The following FBLN1 variants were observed in gnomAD, a reference collection of about 807,000 sequenced individuals.
FBLN1 encodes the protein fibulin-1.
A neutral mutation model predicts 89.7 loss-of-function variants in FBLN1; 34 were observed. The ratio of observed to expected loss-of-function variants is 0.38; its 90% CI spans 0.29 to 0.50. The LOEUF (loss-of-function observed/expected upper bound fraction) is 0.50, where lower values mean the gene tolerates loss of function less well. FBLN1 is among the 20% of genes least tolerant of loss of function. FBLN1 has a pLI of 0.92. For missense variants in FBLN1, 777 were observed against 988.1 expected (o/e 0.79, Z 2.86); for synonymous variants, 393 against 391.3 (o/e 1.00, Z -0.05).
At position 45,523,964 on chromosome 22, in the gene FBLN1, A is replaced by G. The variant is rs150972172; in HGVS notation, c.186-1579A>G. On this transcript the variant is annotated intron_variant, in intron 2 of 16. Coordinates refer to ENST00000327858, the MANE Select transcript of FBLN1 (RefSeq NM_006486.3). ...ACACTTGTGATTTTCTGGCTAGCCA[A>G]TAGTTTTTGAATGGATGCACGCATG... Among the ~76,000 whole-genome samples, 502 of 152,272 alleles carry G rather than the reference A, an allele frequency of 3.3e-3. 4 individuals carry two copies. Among genetic ancestry groups the G allele is most frequent in the African/African-American group, 0.012 (478 of 41,548 alleles).
rs2088677354 is a variant in FBLN1, at chr22:45,549,743, C to G, written c.1574-749C>G. 6.6e-6 allele frequency among the ~76,000 whole-genome samples: 1 copy of G among 152,114 alleles called. No individual in the cohort carries two copies. Among genetic ancestry groups the G allele is most frequent in the South Asian group, 2.1e-4 (1 of 4,830 alleles). The stretch of plus-strand genomic sequence containing the variant: ...ATGTCTCCCAGGGTTGGTGACAGCC[C>G]CTGAGCCCCACTGTTTGGCTGCTCC... On this transcript the variant is annotated intron_variant, in intron 13 of 16. Transcript: ENST00000327858. This position sits in a 1 kb window ranked among gnomAD's most constrained non-coding sequence, Gnocchi z 5.7.
In FBLN1 at chr22:45,574,398, C is replaced by G; in HGVS notation, c.1698-113C>G. 1.7e-6 allele frequency: 2 copies of G among 1,163,150 alleles called. No individual in the cohort carries two copies. Among genetic ancestry groups the G allele is most frequent in the Non-Finnish European group, 2.5e-6 (2 of 794,670 alleles). 72.1% of individuals were successfully genotyped at this position (1,163,150 alleles called of 1,614,324 possible). ...CTGTCGTTCTCTGATGGAGCTGTCT[C>G]TGGGACAGATGCCCCTGCCCTGGCC... is the stretch of plus-strand genomic sequence containing the variant. On this transcript the variant is annotated intron_variant, in intron 14 of 16. Transcript: ENST00000327858. This position sits in a 1 kb window ranked among gnomAD's most constrained non-coding sequence, Gnocchi z 4.1.
intron 14 of FBLN1, among the ~76,000 whole-genome samples, chr22:45,554,537 C>T (rs746787824): frequency 7.9e-5 from 12 of 152,250 alleles, no homozygotes; most frequent in Non-Finnish European, 1.8e-4. Flanking sequence ...TGCAAGGCCT[C>T]CTGTCAGTCC....
intron 16 of FBLN1, 31 bp from the exon 17 acceptor site, chr22:45,600,276 A>ACTTCCAG: frequency 6.2e-7 from 1 of 1,614,108 alleles, no homozygotes; most frequent in Non-Finnish European, 8.5e-7. Flanking sequence ...GTCCCTTCTA[A>ACTTCCAG]CTTCCAGCAC....
rs183480777 is a variant in FBLN1, at chr22:45,574,711, T to G, written c.1840+58T>G. 1.9e-3 allele frequency: 2,813 copies of G among 1,501,726 alleles called. 81 individuals carry two copies. In the Admixed American group the frequency reaches 0.046, roughly 25 times the overall value. The allele number at this position is 1,501,726 out of a possible 1,614,324, so 93.0% of individuals were successfully genotyped here. A position where few individuals can be genotyped will look rare whatever the true frequency, so the allele number is the denominator to read the frequency against. ...CCCTAGGGCCTCCCTCGGCTTCAGC[T>G]GAGGGCTTGGCCTACAGGAGTTGTT... On this transcript the variant is annotated intron_variant, in intron 15 of 16. Transcript: ENST00000327858. This position sits in a 1 kb window ranked among gnomAD's most constrained non-coding sequence, Gnocchi z 4.1.
rs567301812 is a variant in FBLN1, at chr22:45,573,825, G to T, written c.1698-686G>T. Reference sequence around the variant, plus strand: ...GGCCAAGTTCTCTTTCTTGACCTGGGTGGTGATTATAAAGGCGTTTGCCTT... The same window carrying T: ...GGCCAAGTTCTCTTTCTTGACCTGGTTGGTGATTATAAAGGCGTTTGCCTT... On this transcript the variant is annotated intron_variant, in intron 14 of 16. Coordinates refer to ENST00000327858, the MANE Select transcript of FBLN1 (RefSeq NM_006486.3). Among the ~76,000 whole-genome samples the T allele has an allele frequency of 4.7e-4, 72 of 152,288 alleles. 1 individual carries two copies. In the South Asian group the frequency reaches 0.014, roughly 29 times the overall value.
At chr22:45,560,507 TCA>T (rs1367721138) in intron 14 of FBLN1, among the ~76,000 whole-genome samples, 3 of 152,184 alleles carry the variant, frequency 2.0e-5, no homozygotes, top group Non-Finnish European at 4.4e-5. Flanking sequence ...TCCAGCTTGC[TCA>T]CAGTGGGCCA....
chr22:45,586,540 C>T (rs113430369), intron 16 of FBLN1, among the ~76,000 whole-genome samples: 30 of 152,340 alleles, frequency 2.0e-4, no homozygotes, highest in African/African-American at 6.3e-4. Context: ...AAACTTGAGA[C>T]GTCTGCCTTG....
intron 7 of FBLN1, 43 bp from the exon 8 acceptor site, chr22:45,535,157 G>A (rs753919551): frequency 1.6e-5 from 26 of 1,612,562 alleles, no homozygotes; most frequent in Non-Finnish European, 2.0e-5. Context: ...GATGCTTCTG[G>A]CAGGACTCTT....
chr22:45,557,341 G>A lies in FBLN1; in HGVS notation c.1697+6726G>A, dbSNP rs967912954. Among the ~76,000 whole-genome samples, 3 of 152,178 alleles carry A rather than the reference G, an allele frequency of 2.0e-5. No homozygotes were observed. The highest frequency in any genetic ancestry group is 2.0e-4 in the Admixed American group (3 of 15,276). On this transcript the variant is annotated intron_variant, in intron 14 of 16. Transcript: ENST00000327858. The surrounding 1 kb of genome is among the most constrained non-coding windows in gnomAD (Gnocchi z 4.9). ...TCTATTCCGGTGAGGACAAACCTCT[G>A]CCATTTCCATGATGGAAGAGGTCCA...
rs2089061409 is a variant in FBLN1 at position 45,583,766 on chromosome 22, G to A, written c.1972+6658G>A. On this transcript the variant is annotated intron_variant, in intron 16 of 16. Transcript: ENST00000327858. This position sits in a 1 kb window ranked among gnomAD's most constrained non-coding sequence, Gnocchi z 4.5. The stretch of plus-strand genomic sequence containing the variant: ...GGAGCACCCCTTGCAGGGCCAATGG[G>A]AAGGGGAAGCGCCTGCAGCATGAGA... 1.3e-5 allele frequency among the ~76,000 whole-genome samples: 2 copies of A among 152,162 alleles called. No homozygotes were observed. Among genetic ancestry groups the A allele is most frequent in the Admixed American group, 1.3e-4 (2 of 15,272 alleles).
intron 16 of FBLN1, among the ~76,000 whole-genome samples, chr22:45,582,506 G>A (rs895094393): frequency 1.3e-5 from 2 of 152,168 alleles, no homozygotes; most frequent in African/African-American, 4.8e-5. Context: ...GGTCACACAG[G>A]CGACCCATCA....
intron 16 of FBLN1, among the ~76,000 whole-genome samples, chr22:45,585,150 T>C (rs2089073820): frequency 6.6e-6 from 1 of 152,218 alleles, no homozygotes; most frequent in Non-Finnish European, 1.5e-5. Flanking sequence ...GGCTGCTATG[T>C]ACAGTTGGAT....
chr22:45,565,356 C>G, intron 14 of FBLN1: 1 of 1,133,388 alleles, frequency 8.8e-7, no homozygotes, highest in Non-Finnish European at 1.1e-6. Flanking sequence ...CCAGCTCATC[C>G]ATGTGCTTGT....
chr22:45,597,027 G>C lies in FBLN1; in HGVS notation c.1973-3280G>C, dbSNP rs2089193565. Among the ~76,000 whole-genome samples the C allele has an allele frequency of 6.6e-6, 1 of 150,818 alleles. No homozygotes were observed. The highest frequency in any genetic ancestry group is 1.9e-4 in the East Asian group (1 of 5,192). On this transcript the variant is annotated intron_variant, in intron 16 of 16. Transcript: ENST00000327858. The surrounding 1 kb of genome is among the most constrained non-coding windows in gnomAD (Gnocchi z 4.2). Reference sequence around the variant, plus strand: ...ATAGATCTCTTTTTTTTTGGGACAGGATCTTGCTCTGTCACCCAGGCTAGA... The same window carrying C: ...ATAGATCTCTTTTTTTTTGGGACAGCATCTTGCTCTGTCACCCAGGCTAGA...
At position 45,533,962 on chromosome 22, in the gene FBLN1, G is replaced by C. The variant is rs1296177918; in HGVS notation, c.784+64G>C. 5 of 1,603,754 alleles carry C rather than the reference G, an allele frequency of 3.1e-6. No homozygotes were observed. In the South Asian group the frequency reaches 4.4e-5, roughly 14 times the overall value. Reference sequence around the variant, plus strand: ...AGGCGTAGATACGGCGCGGTGGGAAGGGCAGCTCTGGGGTCTGGGCTCCCG... The same window carrying C: ...AGGCGTAGATACGGCGCGGTGGGAACGGCAGCTCTGGGGTCTGGGCTCCCG... On this transcript the variant is annotated intron_variant, in intron 7 of 16. Coordinates refer to ENST00000327858, the MANE Select transcript of FBLN1 (RefSeq NM_006486.3).
intron 16 of FBLN1, among the ~76,000 whole-genome samples, chr22:45,599,561 G>A (rs1460042379): frequency 1.3e-5 from 2 of 152,144 alleles, no homozygotes; most frequent in African/African-American, 4.8e-5. Context: ...GGGTTGGAAG[G>A]AGGGAGAAAG....
rs540073615 is a variant in FBLN1, at chr22:45,576,830, A to G, written c.1841-147A>G. On this transcript the variant is annotated intron_variant, in intron 15 of 16. Transcript: ENST00000327858. The surrounding 1 kb of genome is among the most constrained non-coding windows in gnomAD (Gnocchi z 5.2). ...CCAGACCCCTCCACCCTCCCCACAC[A>G]GGGGATCTCTGGCTTCATTGATGTT... The G allele has an allele frequency of 9.8e-6, 9 of 917,442 alleles. No homozygotes were observed. In the African/African-American group the frequency reaches 1.1e-4, roughly 12 times the overall value. The allele number at this position is 917,442 out of a possible 1,614,324, so 56.8% of individuals were successfully genotyped here. A position where few individuals can be genotyped will look rare whatever the true frequency, so the allele number is the denominator to read the frequency against.
chr22:45,528,965 C>T lies in FBLN1; in HGVS notation c.484+956C>T, dbSNP rs528776693. The stretch of plus-strand genomic sequence containing the variant: ...CTGGGAAGTGGGGATAGTTGCAGTC[C>T]TACTTCATCAGGTGCTGGGAGGATG... On this transcript the variant is annotated intron_variant, in intron 4 of 16. Coordinates refer to ENST00000327858, the MANE Select transcript of FBLN1 (RefSeq NM_006486.3). Among the ~76,000 whole-genome samples the T allele has an allele frequency of 2.0e-5, 3 of 152,298 alleles. No individual in the cohort carries two copies. The East Asian group carries it at 5.8e-4, about 29-fold the overall frequency.
Sources: gnomAD v4.1 joint callset for allele counts (sites outside exome capture counted in the v4.1 genomes callset) on GRCh38, gnomAD v4.1.1 for gene constraint, Gnocchi (gnomAD v3.1) non-coding constraint, MANE v1.5 for transcripts, NCBI Gene and HGNC (gene_info 2026-07-23, HGNC 2026-07-21) for gene names.